Variants in EYA1 observed in about 807,000 individuals in gnomAD.
The protein encoded by EYA1 is protein phosphatase EYA1.
Under a neutral mutation model 82.0 loss-of-function variants are expected in EYA1, and 16 were observed. That is an observed-to-expected ratio of 0.20 (90% CI 0.13 to 0.30). EYA1 has a LOEUF of 0.30. Among genes scored for constraint, EYA1 ranks in the 10% least tolerant of loss-of-function variants. The probability of loss-of-function intolerance (pLI) is 1.00; values close to 1 mark genes in which losing one functional copy is unlikely to be tolerated. For missense variants in EYA1, 633 were observed against 730.7 expected, an observed-to-expected ratio of 0.87 and a Z score of 1.54; for synonymous variants, 261 against 264.4, an observed-to-expected ratio of 0.99 and a Z score of 0.12.
chr8:71,235,435 C>T (rs941811951), intron 12 of EYA1, among the ~76,000 whole-genome samples: 1 of 152,130 alleles, frequency 6.6e-6, no homozygotes, highest in Admixed American at 6.6e-5. Context: ...GACTTCCTAC[C>T]ATATCCTTGC....
At chr8:71,238,474 A>C (rs180694902) in intron 12 of EYA1, among the ~76,000 whole-genome samples, 3 of 152,236 alleles carry the variant, frequency 2.0e-5, no homozygotes, top group Admixed American at 2.0e-4. Context: ...CATCTCATTT[A>C]TTGAAACCTT....
intron 7 of EYA1, among the ~76,000 whole-genome samples, chr8:71,301,554 G>C (rs1820199180): frequency 6.6e-6 from 1 of 152,068 alleles, no homozygotes; most frequent in South Asian, 2.1e-4. Flanking sequence ...AACTTTAAAA[G>C]CTTGAGCCAA....
chr8:71,368,916 C>T (rs1011203901), intron 2 of EYA1, among the ~76,000 whole-genome samples: 10 of 151,338 alleles, frequency 6.6e-5, no homozygotes, highest in East Asian at 3.9e-4. Flanking sequence ...AGGCCGGGCG[C>T]GGTGGCTCAC....
At chr8:71,500,419 A>G (rs909193143) in intron 2 of EYA1, among the ~76,000 whole-genome samples, 31 of 152,178 alleles carry the variant, frequency 2.0e-4, no homozygotes, top group Non-Finnish European at 3.8e-4. Flanking sequence ...TCCTCTTCAA[A>G]GTGCCCTCTA....
At chr8:71,283,270 C>A (rs1253705473) in intron 9 of EYA1, among the ~76,000 whole-genome samples, 1 of 152,220 alleles carries the variant, frequency 6.6e-6, no homozygotes, top group African/African-American at 2.4e-5. Context: ...TAAGGTGGCT[C>A]TCTCCTCCCT....
In EYA1 at chr8:71,217,335, C is replaced by A. The variant is rs1809339831; in HGVS notation, c.1141-312G>T. ...ATAAACCTCAGGTACCTTAAGCCAT[C>A]ATGCTGCTCAGAGCTGATTCAGTCA... On this transcript the variant is annotated intron_variant, in intron 12 of 17. Transcript: ENST00000340726. Among the ~76,000 whole-genome samples, 3 of 152,240 alleles carry A rather than the reference C, an allele frequency of 2.0e-5. No individual in the cohort carries two copies. The South Asian group carries it at 6.2e-4, about 32-fold the overall frequency.
At chr8:71,319,019 T>A (rs1822228592) in intron 6 of EYA1, among the ~76,000 whole-genome samples, 1 of 152,058 alleles carries the variant, frequency 6.6e-6, no homozygotes, top group African/African-American at 2.4e-5. Flanking sequence ...CTTTAGAAAA[T>A]CCCTTTCTTT....
intron 2 of EYA1, among the ~76,000 whole-genome samples, chr8:71,401,871 C>T (rs1829977731): frequency 6.6e-6 from 1 of 152,128 alleles, no homozygotes; most frequent in South Asian, 2.1e-4. Context: ...TCTCTGTCTG[C>T]TTATGATTTT....
intron 2 of EYA1, among the ~76,000 whole-genome samples, chr8:71,397,684 G>A (rs1586630096): frequency 6.6e-6 from 1 of 152,154 alleles, no homozygotes; most frequent in Non-Finnish European, 1.5e-5. Context: ...GCTTCCCTTT[G>A]TGAGTAACCC....
At chr8:71,264,171 G>A (rs1563719869) in intron 11 of EYA1, among the ~76,000 whole-genome samples, 1 of 152,158 alleles carries the variant, frequency 6.6e-6, no homozygotes, top group Non-Finnish European at 1.5e-5. Flanking sequence ...GGACACTGGT[G>A]TCCTACTGCT....
chr8:71,262,708 C>T (rs969435973), intron 11 of EYA1, among the ~76,000 whole-genome samples: 3 of 152,054 alleles, frequency 2.0e-5, no homozygotes, highest in Admixed American at 6.5e-5. Context: ...TGTACATTTC[C>T]GCTGTATACT....
chr8:71,327,986 G>T lies in EYA1; in HGVS notation c.203-5718C>A, dbSNP rs535153531. On this transcript the variant is annotated intron_variant, in intron 4 of 17. Coordinates refer to ENST00000340726, the MANE Select transcript of EYA1 (RefSeq NM_000503.6). ...TTCTCCTGCCTCAGCCTCCTGAATAGCTGGGATTACAGGTGCCCGCCACCA... is the reference window on the plus strand; with the variant it reads ...TTCTCCTGCCTCAGCCTCCTGAATATCTGGGATTACAGGTGCCCGCCACCA... Among the ~76,000 whole-genome samples the T allele has an allele frequency of 6.6e-5, 10 of 150,824 alleles. No individual in the cohort carries two copies. In the East Asian group the frequency reaches 2.0e-3, roughly 30 times the overall value.
intron 9 of EYA1, among the ~76,000 whole-genome samples, chr8:71,284,527 G>A (rs1253721964): frequency 6.6e-6 from 1 of 152,142 alleles, no homozygotes; most frequent in African/African-American, 2.4e-5. Context: ...ACAGTAAAAT[G>A]GGAACAGCAC....
chr8:71,321,582 C>T lies in EYA1; in HGVS notation c.418+152G>A, dbSNP rs914278191. ...TAAGGAGCTACCAGTTCTTATAATG[C>T]TCTTTAGAAACAATCATACTAAGAA... On this transcript the variant is annotated intron_variant, in intron 6 of 17. Coordinates refer to ENST00000340726, the MANE Select transcript of EYA1 (RefSeq NM_000503.6). 1.7e-5 allele frequency: 17 copies of T among 1,019,018 alleles called. No individual in the cohort carries two copies. In the South Asian group the frequency reaches 2.6e-4, roughly 16 times the overall value. The allele number at this position is 1,019,018 out of a possible 1,614,324, so 63.1% of individuals were successfully genotyped here. A position where few individuals can be genotyped will look rare whatever the true frequency, so the allele number is the denominator to read the frequency against.
At chr8:71,245,234 T>G (rs1314395482) in intron 11 of EYA1, among the ~76,000 whole-genome samples, 1 of 149,884 alleles carries the variant, frequency 6.7e-6, no homozygotes, top group Non-Finnish European at 1.5e-5. Flanking sequence ...AAGTGATGAT[T>G]TTTTTTTTTT....
chr8:71,317,933 C>G (rs1186376341), intron 6 of EYA1, among the ~76,000 whole-genome samples: 3 of 152,040 alleles, frequency 2.0e-5, no homozygotes, highest in Non-Finnish European at 4.4e-5. Context: ...CAAGACATAT[C>G]CCTTCTATAA....
chr8:71,484,025 C>CA (rs1810376317), intron 2 of EYA1, among the ~76,000 whole-genome samples: 2 of 152,188 alleles, frequency 1.3e-5, no homozygotes, highest in South Asian at 4.1e-4. Context: ...CACAGACCTG[C>CA]ACAAGCAGCT....
chr8:71,240,115 G>A (rs964055841), intron 12 of EYA1, among the ~76,000 whole-genome samples: 1 of 152,022 alleles, frequency 6.6e-6, no homozygotes, highest in Non-Finnish European at 1.5e-5. Flanking sequence ...ATTAAACCAA[G>A]GGATAATCTT....
rs559678886 is a variant in EYA1 at position 71,220,768 on chromosome 8, AAG to A, written c.1141-3747_1141-3746del. On this transcript the variant is annotated intron_variant, in intron 12 of 17. Transcript: ENST00000340726. ...TGCAATGCCAAGTGGGTGTGAGGGA[AAG>A]AGTTTTCCAGGCAAATAAAAGAGCA... 2.1e-3 allele frequency among the ~76,000 whole-genome samples: 317 copies of A among 152,338 alleles called. 1 individual carries two copies. The highest frequency in any genetic ancestry group is 3.7e-3 in the Non-Finnish European group (252 of 68,022).
Sources: allele counts gnomAD v4.1 joint callset (sites outside exome capture counted in the v4.1 genomes callset), GRCh38; gene constraint gnomAD v4.1.1; transcripts MANE v1.5; gene names NCBI Gene and HGNC (gene_info 2026-07-23, HGNC 2026-07-21).